The following UBE2J1 variants were observed in gnomAD, a reference collection of about 807,000 sequenced individuals.
UBE2J1 encodes ubiquitin-conjugating enzyme E2 J1.
A neutral mutation model predicts 42.1 loss-of-function variants in UBE2J1; 17 were observed. The ratio of observed to expected loss-of-function variants is 0.40; its 90% CI spans 0.28 to 0.61. The LOEUF (loss-of-function observed/expected upper bound fraction) is 0.61, where lower values mean the gene tolerates loss of function less well. Ranked by LOEUF, UBE2J1 falls within the 20% of genes least tolerant of loss-of-function variation. The probability of loss-of-function intolerance (pLI) is 0.38; values close to 1 mark genes in which losing one functional copy is unlikely to be tolerated. For synonymous variants in UBE2J1, 127 were observed against 137.2 expected (o/e 0.93, Z 0.52); for missense variants, 291 against 389.4 (o/e 0.75, Z 2.13).
In UBE2J1 at chr6:89,352,564, C is replaced by T. The variant is rs758299881; in HGVS notation, c.6G>A (p.Glu2=). The T allele has an allele frequency of 1.3e-6, 2 of 1,571,644 alleles. No individual in the cohort carries two copies. The highest frequency in any genetic ancestry group is 8.6e-7 in the Non-Finnish European group (1 of 1,165,388). Residue 2 remains glutamate, a synonymous_variant, in exon 1 of 8, where the codon GAG becomes GAA. Coordinates refer to ENST00000435041, the MANE Select transcript of UBE2J1 (RefSeq NM_016021.3). The stretch of plus-strand genomic sequence containing the variant: ...CCGGACTCTTCAGGTTGTAGCGGGT[C>T]TCCATGGTGGGTCGCTGGCTTGGCT... M[E]TRYNLKSPAV... is the part of the protein sequence containing the mutation.
intron 6 of UBE2J1, 56 bp from the exon 7 acceptor site, chr6:89,333,261 A>C: frequency 6.4e-7 from 1 of 1,551,168 alleles, no homozygotes; most frequent in African/African-American, 1.4e-5. Context: ...CAGGAAACAT[A>C]CACAATCTAC....
At chr6:89,335,982 T>C (rs1236671190) in intron 5 of UBE2J1, among the ~76,000 whole-genome samples, 1 of 152,208 alleles carries the variant, frequency 6.6e-6, no homozygotes, top group Admixed American at 6.5e-5. Context: ...TCAGGATATG[T>C]CTGTTAACTA....
intron 5 of UBE2J1, among the ~76,000 whole-genome samples, chr6:89,337,137 G>A (rs1005261684): frequency 1.7e-4 from 26 of 151,884 alleles, no homozygotes; most frequent in East Asian, 1.9e-4. Context: ...CACCATGCCC[G>A]GCCCAAAATC....
At chr6:89,338,422 G>A (rs1177822003) in intron 4 of UBE2J1, 37 bp downstream of exon 4, 1 of 1,581,302 alleles carries the variant, frequency 6.3e-7, no homozygotes, top group South Asian at 1.1e-5. Context: ...ATTGACTGAA[G>A]TTATGAGATT....
intron 5 of UBE2J1, 86 bp from the exon 6 acceptor site, chr6:89,335,517 A>T (rs1269702837): frequency 9.9e-7 from 1 of 1,014,348 alleles, no homozygotes; most frequent in East Asian, 3.0e-5. Flanking sequence ...TCGATCATTA[A>T]ACTTAAAAGA....
chr6:89,335,775 G>A (rs185661004), intron 5 of UBE2J1, among the ~76,000 whole-genome samples: 99 of 152,016 alleles, frequency 6.5e-4, no homozygotes, highest in African/African-American at 2.3e-3. Flanking sequence ...TGTGAAAAAA[G>A]TCCTTTAACA....
At position 89,335,311 on chromosome 6, in the gene UBE2J1, T is replaced by C; in HGVS notation, c.549A>G (p.Ile183Met). ...DQEAKELARQ[I>M]SFKAEVNSSG... Reference sequence around the variant, plus strand: ...TAAGAATTTATAGTACCTTAAAGCTTATTTGCCTAGCCAGTTCTTTGGCTT... The same window carrying C: ...TAAGAATTTATAGTACCTTAAAGCTCATTTGCCTAGCCAGTTCTTTGGCTT... The change falls in exon 6 of 8, where the codon ATA becomes ATG. Residue 183 changes from isoleucine to methionine, a missense_variant. By Grantham distance (10) the Ile-to-Met change is conservative. Around this residue, in one of 2 missense-constraint regions of UBE2J1, gnomAD observed 176 missense variants for 196.3 expected, o/e 0.90. Coordinates refer to ENST00000435041, the MANE Select transcript of UBE2J1 (RefSeq NM_016021.3). 3 of 1,596,928 alleles carry C rather than the reference T, an allele frequency of 1.9e-6. No individual in the cohort carries two copies. Among genetic ancestry groups the C allele is most frequent in the Non-Finnish European group, 2.6e-6 (3 of 1,170,706 alleles).
rs753063341 is a variant in UBE2J1, at chr6:89,338,284, C to T, written c.349G>A (p.Gly117Arg). 1 of 1,613,444 alleles carries T rather than the reference C, an allele frequency of 6.2e-7. No individual in the cohort carries two copies. The highest frequency in any genetic ancestry group is 1.1e-5 in the South Asian group (1 of 91,044). ...SIRTALLAIIGFMPTKGEGAI... is the reference protein window; with the variant it reads ...SIRTALLAIIRFMPTKGEGAI... The stretch of plus-strand genomic sequence containing the variant: ...CCCTCTCCTTTTGTTGGCATAAACC[C>T]AATGATGGCTAATAATGCTGTCCTT... The change falls in exon 5 of 8, where the codon GGG (glycine) becomes AGG (arginine). Residue 117 changes from glycine to arginine, a missense_variant. Coordinates refer to ENST00000435041, the MANE Select transcript of UBE2J1 (RefSeq NM_016021.3).
intron 3 of UBE2J1, among the ~76,000 whole-genome samples, chr6:89,341,021 C>T (rs538063202): frequency 5.1e-4 from 78 of 151,706 alleles, no homozygotes; most frequent in Non-Finnish European, 9.0e-4. Flanking sequence ...ATGATCCACC[C>T]GCCTCGGCCT....
In UBE2J1 at chr6:89,335,389, C is replaced by T; in HGVS notation, c.471G>A (p.Lys157=). ...FCCEGCGSAM[K]DVLLPLKSGS... ...CAGATTTTAAAGGCAACAGGACATC[C>T]TTCATGGCAGAGCCACATCCTTCAC... is the stretch of plus-strand genomic sequence containing the variant. The change falls in exon 6 of 8, where the codon AAG becomes AAA. Residue 157 remains lysine, a synonymous_variant. Coordinates refer to ENST00000435041, the MANE Select transcript of UBE2J1 (RefSeq NM_016021.3). 6.2e-7 allele frequency: 1 copy of T among 1,603,198 alleles called. No homozygotes were observed. The highest frequency in any genetic ancestry group is 1.7e-5 in the Admixed American group (1 of 59,354).
intron 7 of UBE2J1, among the ~76,000 whole-genome samples, chr6:89,331,001 C>T (rs991642546): frequency 9.2e-5 from 14 of 152,148 alleles, no homozygotes; most frequent in African/African-American, 3.4e-4. Context: ...CCCATTTCTA[C>T]ATTTCCCATT....
chr6:89,333,040 G>A (rs1768038126), intron 7 of UBE2J1, 46 bp downstream of exon 7: 1 of 1,483,774 alleles, frequency 6.7e-7, no homozygotes, highest in Non-Finnish European at 8.9e-7. Context: ...TGCAAACAGT[G>A]ATAATGATAG....
Position 89,329,621 on chromosome 6 carries a change from C to A in UBE2J1, c.*58G>T. 1 of 1,540,748 alleles carries A rather than the reference C, an allele frequency of 6.5e-7. No individual in the cohort carries two copies. The highest frequency in any genetic ancestry group is 8.9e-7 in the Non-Finnish European group (1 of 1,119,376). ...TTTGTAAACAATTCTTAGATTATAC[C>A]CAATGCAGAATGTTTAATGAAGCAG... is the stretch of plus-strand genomic sequence containing the variant. On this transcript the variant is annotated 3_prime_UTR_variant, in exon 8 of 8. Transcript: ENST00000435041.
Position 89,333,118 on chromosome 6 carries a change from T to C in UBE2J1, c.646A>G (p.Thr216Ala). 3 of 1,612,958 alleles carry C rather than the reference T, an allele frequency of 1.9e-6. No individual in the cohort carries two copies. The highest frequency in any genetic ancestry group is 2.5e-6 in the Non-Finnish European group (3 of 1,179,380). ...SLTDLQDDIPTTFQGATASTS... is the reference protein window; with the variant it reads ...SLTDLQDDIPATFQGATASTS... ...CTGGCCGTAGCACCCTGGAATGTTG[T>C]AGGTATATCATCTTGTAAATCAGTT... The change falls in exon 7 of 8, where the codon ACA (threonine) becomes GCA (alanine). Residue 216 changes from threonine (T) to alanine (A), a missense_variant. This residue lies in a region of UBE2J1 where 176 missense variants were observed against 196.3 expected (regional missense o/e 0.90). Coordinates refer to ENST00000435041, the MANE Select transcript of UBE2J1 (RefSeq NM_016021.3).
Position 89,352,695 on chromosome 6 carries a change from C to G in UBE2J1, c.-126G>C. 1.8e-6 allele frequency: 2 copies of G among 1,135,638 alleles called. No individual in the cohort carries two copies. The highest frequency in any genetic ancestry group is 2.4e-6 in the Non-Finnish European group (2 of 845,856). 70.3% of individuals were successfully genotyped at this position (1,135,638 alleles called of 1,614,324 possible). A position where few individuals can be genotyped will look rare whatever the true frequency, so the allele number is the denominator to read the frequency against. On this transcript the variant is annotated 5_prime_UTR_variant, in exon 1 of 8. Coordinates refer to ENST00000435041, the MANE Select transcript of UBE2J1 (RefSeq NM_016021.3). ...GCCGAGGAGCCTCGGCAAATGCCGC[C>G]CAGTCCAGCCTGGACTGCGGGCGGG...
In UBE2J1 at chr6:89,333,090, G is replaced by A. The variant is rs761014012; in HGVS notation, c.674C>T (p.Thr225Ile). 6 of 1,608,290 alleles carry A rather than the reference G, an allele frequency of 3.7e-6. No homozygotes were observed. The South Asian group carries it at 5.6e-5, about 15-fold the overall frequency. The change falls in exon 7 of 8, where the codon ACA becomes ATA. Residue 225 changes from threonine to isoleucine, a missense_variant. Physicochemically the swap from Thr to Ile is moderately conservative, Grantham distance 89 (BLOSUM62 -1). This residue lies in a region of UBE2J1 where 176 missense variants were observed against 196.3 expected (regional missense o/e 0.90). Transcript: ENST00000435041. ...PTTFQGATASTSYGLQNSSAA... is the reference protein window; with the variant it reads ...PTTFQGATASISYGLQNSSAA... ...ATTAAAAGATAAGAGCCATACCGAT[G>A]TACTGGCCGTAGCACCCTGGAATGT... is the stretch of plus-strand genomic sequence containing the variant.
rs886955964 is a variant in UBE2J1, at chr6:89,328,247, T to C, written c.*1432A>G. On this transcript the variant is annotated 3_prime_UTR_variant, in exon 8 of 8. Transcript: ENST00000435041. Reference sequence around the variant, plus strand: ...CCATAAACAGGAGTAAAAATTAAATTTTCCTTTAAGACGATTTTACAATTA... The same window carrying C: ...CCATAAACAGGAGTAAAAATTAAATCTTCCTTTAAGACGATTTTACAATTA... The C allele has an allele frequency of 6.6e-6, 1 of 152,188 alleles. No individual in the cohort carries two copies. Among genetic ancestry groups the C allele is most frequent in the Non-Finnish European group, 1.5e-5 (1 of 68,034 alleles). 9.4% of individuals were successfully genotyped at this position (152,188 alleles called of 1,614,324 possible). A position where few individuals can be genotyped will look rare whatever the true frequency, so the allele number is the denominator to read the frequency against.
At chr6:89,336,138 C>T (rs1456508428) in intron 5 of UBE2J1, among the ~76,000 whole-genome samples, 1 of 152,140 alleles carries the variant, frequency 6.6e-6, no homozygotes, top group Non-Finnish European at 1.5e-5. Context: ...TATATTGTTA[C>T]ACTGTTAAAC....
intron 7 of UBE2J1, among the ~76,000 whole-genome samples, chr6:89,332,759 T>C (rs1768034083): frequency 6.6e-6 from 1 of 152,234 alleles, no homozygotes; most frequent in Non-Finnish European, 1.5e-5. Flanking sequence ...AAAAATAGTG[T>C]CTATTTAGAA....
Sources: gnomAD v4.1 joint callset for allele counts (sites outside exome capture counted in the v4.1 genomes callset) on GRCh38, gnomAD v4.1.1 for gene constraint, gnomAD v4.1.1 regional missense constraint, MANE v1.5 for transcripts, NCBI Gene and HGNC (gene_info 2026-07-23, HGNC 2026-07-21) for gene names.